The following NCAM2 variants were observed in gnomAD, a reference collection of about 807,000 sequenced individuals.
NCAM2 encodes the protein neural cell adhesion molecule 2, also known as N-CAM-2.
A neutral mutation model predicts 98.1 loss-of-function variants in NCAM2; 30 were observed. That is an observed-to-expected ratio of 0.31 (90% CI 0.23 to 0.41). The LOEUF (loss-of-function observed/expected upper bound fraction) is 0.41, where lower values mean the gene tolerates loss of function less well. NCAM2 is among the 10% of genes least tolerant of loss of function. NCAM2 has a pLI of 1.00. For synonymous variants in NCAM2, 368 were observed against 342.4 expected, an observed-to-expected ratio of 1.07 and a Z score of -0.83; for missense variants, 867 against 1,005.8, an observed-to-expected ratio of 0.86 and a Z score of 1.87.
rs555154839 is a variant in NCAM2 at position 21,469,197 on chromosome 21, T to C, written c.1896+414T>C. Among the ~76,000 whole-genome samples the C allele has an allele frequency of 3.9e-5, 6 of 152,132 alleles. No homozygotes were observed. The East Asian group carries it at 1.2e-3, about 29-fold the overall frequency. ...TTAATCAAATAATTTGACTTACTTA[T>C]CCATAATGTTTAACAAAGAATGGCC... is the stretch of plus-strand genomic sequence containing the variant. On this transcript the variant is annotated intron_variant, in intron 14 of 17. Transcript: ENST00000400546.
chr21:21,079,879 A>G (rs1367113725), intron 1 of NCAM2, among the ~76,000 whole-genome samples: 1 of 152,166 alleles, frequency 6.6e-6, no homozygotes, highest in Non-Finnish European at 1.5e-5. Context: ...ACCTACATGA[A>G]ACATCTGTTT....
At chr21:21,435,958 AC>A (rs1978314116) in intron 12 of NCAM2, among the ~76,000 whole-genome samples, 1 of 152,178 alleles carries the variant, frequency 6.6e-6, no homozygotes, top group African/African-American at 2.4e-5. Flanking sequence ...TGCAATGAGT[AC>A]CCAGGGAAAG....
rs577512902 is a variant in NCAM2, at chr21:21,334,302, A to G, written c.738-1203A>G. On this transcript the variant is annotated intron_variant, in intron 6 of 17. Coordinates refer to ENST00000400546, the MANE Select transcript of NCAM2 (RefSeq NM_004540.5). ...CCTCTTAAGAAATGTTGTGTACTTC[A>G]TGGTACATTTAGAGATGTCATGAGA... Among the ~76,000 whole-genome samples the G allele has an allele frequency of 1.2e-4, 18 of 152,254 alleles. No homozygotes were observed. In the East Asian group the frequency reaches 2.9e-3, roughly 25 times the overall value.
intron 9 of NCAM2, among the ~76,000 whole-genome samples, chr21:21,391,482 A>C (rs1284388937): frequency 6.6e-6 from 1 of 152,130 alleles, no homozygotes; most frequent in Admixed American, 6.6e-5. Flanking sequence ...CCTAAGGAGG[A>C]GATAATATTG....
At chr21:21,165,640 C>T (rs1051758089) in intron 1 of NCAM2, among the ~76,000 whole-genome samples, 5 of 152,158 alleles carry the variant, frequency 3.3e-5, no homozygotes, top group Admixed American at 1.3e-4. Context: ...TTACCTATTC[C>T]ACCCATCTGG....
intron 10 of NCAM2, among the ~76,000 whole-genome samples, chr21:21,413,607 A>G (rs1449273422): frequency 6.6e-6 from 1 of 152,228 alleles, no homozygotes; most frequent in Non-Finnish European, 1.5e-5. Flanking sequence ...TGCATATAAA[A>G]GTTATGTTGG....
chr21:21,517,636 T>A (rs910203427), intron 16 of NCAM2, among the ~76,000 whole-genome samples: 3 of 152,128 alleles, frequency 2.0e-5, no homozygotes, highest in Non-Finnish European at 4.4e-5. Flanking sequence ...GGTGAGTGGA[T>A]CACCTGAGGT....
intron 1 of NCAM2, among the ~76,000 whole-genome samples, chr21:21,159,416 T>C (rs535706928): frequency 1.3e-5 from 2 of 152,290 alleles, no homozygotes; most frequent in African/African-American, 4.8e-5. Context: ...TGACTCACTC[T>C]GAATGAGGTC....
Position 21,103,447 on chromosome 21 carries a change from G to A in NCAM2, c.55+104829G>A, listed in dbSNP as rs373857885. 2.6e-4 allele frequency among the ~76,000 whole-genome samples: 39 copies of A among 147,794 alleles called. No homozygotes were observed. In the South Asian group the frequency reaches 4.2e-3, roughly 16 times the overall value. ...GAATAATTTATTAGGCAGTATAATA[G>A]CAATTAATTAAGAGGAATGTATATA... On this transcript the variant is annotated intron_variant, in intron 1 of 17. Transcript: ENST00000400546.
At chr21:21,537,632 T>G (rs921474908) in intron 17 of NCAM2, among the ~76,000 whole-genome samples, 7 of 152,150 alleles carry the variant, frequency 4.6e-5, no homozygotes, top group Admixed American at 1.3e-4. Flanking sequence ...CTTTTAGATC[T>G]TTTTAAATCT....
chr21:21,055,253 C>CA (rs1346037876), intron 1 of NCAM2, among the ~76,000 whole-genome samples: 2 of 151,828 alleles, frequency 1.3e-5, no homozygotes, highest in Non-Finnish European at 2.9e-5. Flanking sequence ...AAATTGTCTC[C>CA]AAAACACTTA....
At chr21:21,336,084 A>G (rs543384146) in intron 7 of NCAM2, among the ~76,000 whole-genome samples, 14 of 152,286 alleles carry the variant, frequency 9.2e-5, no homozygotes, top group African/African-American at 2.9e-4. Context: ...ATTTAACTAA[A>G]TGAAAATATA....
chr21:21,282,707 A>T (rs1484790689), intron 2 of NCAM2, among the ~76,000 whole-genome samples: 6 of 151,836 alleles, frequency 4.0e-5, no homozygotes, highest in African/African-American at 1.4e-4. Flanking sequence ...AAGAAGTGTC[A>T]TACAGAAAAT....
chr21:21,314,540 CA>C (rs1293096158), intron 5 of NCAM2, among the ~76,000 whole-genome samples: 2 of 152,114 alleles, frequency 1.3e-5, no homozygotes, highest in African/African-American at 2.4e-5. Context: ...GATACATACA[CA>C]TATGTACACG....
intron 1 of NCAM2, among the ~76,000 whole-genome samples, chr21:21,203,779 T>G (rs1471208921): frequency 6.6e-6 from 1 of 152,182 alleles, no homozygotes; most frequent in African/African-American, 2.4e-5. Flanking sequence ...GATTACTTCT[T>G]AAAGTGTGTA....
At chr21:21,186,895 A>T (rs888440479) in intron 1 of NCAM2, among the ~76,000 whole-genome samples, 4 of 152,160 alleles carry the variant, frequency 2.6e-5, no homozygotes, top group Non-Finnish European at 4.4e-5. Flanking sequence ...AAAGATAATA[A>T]AATTTGGAAA....
intron 1 of NCAM2, chr21:21,239,260 G>C (rs556965093): frequency 2.0e-4 from 30 of 152,304 alleles, no homozygotes; most frequent in African/African-American, 7.2e-4. Context: ...ATGTTTCCGT[G>C]TGGAAAGGCA....
intron 15 of NCAM2, among the ~76,000 whole-genome samples, chr21:21,502,045 G>T (rs1243790176): frequency 6.6e-6 from 1 of 151,752 alleles, no homozygotes; most frequent in Admixed American, 6.6e-5. Context: ...AAAGTATTTT[G>T]CGAGAAAAAT....
intron 1 of NCAM2, among the ~76,000 whole-genome samples, chr21:21,218,276 A>C (rs141265867): frequency 3.7e-4 from 56 of 152,308 alleles, no homozygotes; most frequent in African/African-American, 1.3e-3. Context: ...ACCAGATTCC[A>C]TCTAGCATAT....
Sources: allele counts gnomAD v4.1 joint callset (sites outside exome capture counted in the v4.1 genomes callset), GRCh38; gene constraint gnomAD v4.1.1; transcripts MANE v1.5; gene names NCBI Gene and HGNC (gene_info 2026-07-23, HGNC 2026-07-21).